COG6: variants seen among roughly 807,000 people sequenced by gnomAD.
COG6 encodes component of oligomeric golgi complex 6.
A neutral mutation model predicts 88.8 loss-of-function variants in COG6; 74 were observed. The observed-to-expected ratio is 0.83, with a 90% confidence interval of 0.69 to 1.01. The LOEUF is 1.01. Ranked by LOEUF, COG6 falls within the 50% of genes least tolerant of loss-of-function variation. The pLI, the probability that COG6 is intolerant of heterozygous loss-of-function variation, is 0.00. For missense variants in COG6, 800 were observed against 797.9 expected (o/e 1.00, Z -0.03); for synonymous variants, 286 against 278.7 (o/e 1.03, Z -0.26).
At chr13:39,710,520 A>T (rs1292283832) in intron 13 of COG6, among the ~76,000 whole-genome samples, 1 of 152,158 alleles carries the variant, frequency 6.6e-6, no homozygotes, top group Admixed American at 6.6e-5. Flanking sequence ...TAGAGTAAGT[A>T]AACCTGGCAA....
At chr13:39,710,950 A>G (rs1483644612) in intron 13 of COG6, among the ~76,000 whole-genome samples, 4 of 151,992 alleles carry the variant, frequency 2.6e-5, no homozygotes, top group Non-Finnish European at 4.4e-5. Context: ...ATAAAACAGC[A>G]TATCTAATTT....
chr13:39,658,319 T>C (rs1381554456), intron 1 of COG6, among the ~76,000 whole-genome samples: 1 of 134,546 alleles, frequency 7.4e-6, no homozygotes, highest in Non-Finnish European at 1.8e-5. Flanking sequence ...AATTTTTTGA[T>C]TTTTTTATAG....
chr13:39,694,652 A>G lies in COG6; in HGVS notation c.1093A>G (p.Ile365Val). The G allele has an allele frequency of 6.3e-7, 1 of 1,595,802 alleles. No homozygotes were observed. Among genetic ancestry groups the G allele is most frequent in the Non-Finnish European group, 8.6e-7 (1 of 1,165,144 alleles). The change falls in exon 12 of 19, where the codon ATA becomes GTA. Residue 365 changes from isoleucine to valine, a missense_variant. By Grantham distance (29) the Ile-to-Val change is conservative (BLOSUM62 3). Coordinates refer to ENST00000455146, the MANE Select transcript of COG6 (RefSeq NM_020751.3). The part of the protein sequence containing the change: ...RPLKVRIEQV[I>V]VAEPGAVLLY... ...TTAATAGGTTCGAATTGAGCAAGTA[A>G]TAGTTGCTGAACCTGGGGCAGTTTT...
intron 13 of COG6, among the ~76,000 whole-genome samples, chr13:39,707,472 A>G (rs1466062910): frequency 6.6e-6 from 1 of 152,186 alleles, no homozygotes; most frequent in Non-Finnish European, 1.5e-5. Flanking sequence ...TCTAAAGTAT[A>G]CAGTTAGTTG....
At chr13:39,754,456 A>G (rs1279856804), downstream of COG6, among the ~76,000 whole-genome samples, 4 of 152,214 alleles carry the variant, frequency 2.6e-5, no homozygotes, top group Non-Finnish European at 5.9e-5. Context: ...ATTTAAGATT[A>G]TGGAGAGGGA....
At chr13:39,712,641 G>A (rs1281460297) in intron 13 of COG6, among the ~76,000 whole-genome samples, 1 of 152,172 alleles carries the variant, frequency 6.6e-6, no homozygotes, top group Admixed American at 6.5e-5. Flanking sequence ...CATTTTAGTA[G>A]CCTTGTACTT....
Position 39,703,801 on chromosome 13 carries a change from G to A in COG6, c.1284+4183G>A, listed in dbSNP as rs115621448. Among the ~76,000 whole-genome samples, 709 of 151,946 alleles carry A rather than the reference G, an allele frequency of 4.7e-3. 6 individuals carry two copies. The highest frequency in any genetic ancestry group is 0.016 in the African/African-American group (652 of 41,462). Reference sequence around the variant, plus strand: ...GGTCTTACTGTTGTTGCCCAGGATCGTAGCTCACTGCAGCCTTGAAGCTCA... The same window carrying A: ...GGTCTTACTGTTGTTGCCCAGGATCATAGCTCACTGCAGCCTTGAAGCTCA... On this transcript the variant is annotated intron_variant, in intron 13 of 18. Coordinates refer to ENST00000455146, the MANE Select transcript of COG6 (RefSeq NM_020751.3).
intron 17 of COG6, among the ~76,000 whole-genome samples, chr13:39,727,062 TTAATATAG>T (rs1398616841): frequency 1.3e-5 from 2 of 152,064 alleles, no homozygotes; most frequent in Non-Finnish European, 2.9e-5. Flanking sequence ...CTTCCATTAC[TTAATATAG>T]TACCTTTTCA....
chr13:39,685,280 T>G (rs529563900), intron 8 of COG6, among the ~76,000 whole-genome samples: 23 of 152,328 alleles, frequency 1.5e-4, no homozygotes, highest in Non-Finnish European at 2.6e-4. Flanking sequence ...GTTGGAAGAA[T>G]GTCTGATTTT....
At chr13:39,728,150 C>T (rs1009769464) in intron 18 of COG6, among the ~76,000 whole-genome samples, 3 of 151,962 alleles carry the variant, frequency 2.0e-5, no homozygotes, top group Non-Finnish European at 4.4e-5. Context: ...TCTATTCAAA[C>T]AGCAGTGCAG....
chr13:39,741,674 C>G (rs1880049694), intron 18 of COG6, among the ~76,000 whole-genome samples: 1 of 152,090 alleles, frequency 6.6e-6, no homozygotes, highest in Non-Finnish European at 1.5e-5. Context: ...AGTTGGAAAA[C>G]ACTCTTCAGG....
At chr13:39,737,104 A>G (rs1238038415) in intron 18 of COG6, among the ~76,000 whole-genome samples, 3 of 152,144 alleles carry the variant, frequency 2.0e-5, no homozygotes, top group East Asian at 3.9e-4. Flanking sequence ...GGTGAGATCC[A>G]GGAGAACTTC....
At chr13:39,670,602 A>G (rs1170384458) in intron 4 of COG6, among the ~76,000 whole-genome samples, 1 of 152,070 alleles carries the variant, frequency 6.6e-6, no homozygotes, top group Non-Finnish European at 1.5e-5. Context: ...TAAATTATTT[A>G]CGTAAGTTGC....
intron 7 of COG6, among the ~76,000 whole-genome samples, chr13:39,681,168 T>C (rs994596171): frequency 6.6e-6 from 1 of 152,236 alleles, no homozygotes; most frequent in African/African-American, 2.4e-5. Context: ...ACCAACTGAC[T>C]GTTGGAAGGG....
At chr13:39,720,870 TC>T (rs982045143) in intron 15 of COG6, among the ~76,000 whole-genome samples, 2 of 151,934 alleles carry the variant, frequency 1.3e-5, no homozygotes, top group East Asian at 3.9e-4. Context: ...CTACTGCCAC[TC>T]CCCCAACCCC....
chr13:39,682,021 A>G (rs531007441), intron 7 of COG6, 150 bp from the exon 8 acceptor site: 14 of 631,988 alleles, frequency 2.2e-5, no homozygotes, highest in Non-Finnish European at 4.0e-5. Context: ...GACAGCATAA[A>G]TTCATTTTTG....
chr13:39,733,070 CAA>C (rs991124914), intron 18 of COG6, among the ~76,000 whole-genome samples: 1 of 134,506 alleles, frequency 7.4e-6, no homozygotes, highest in Non-Finnish European at 1.6e-5. Context: ...AATGATCGAT[CAA>C]AAAAAAAAGT....
downstream of COG6, among the ~76,000 whole-genome samples, chr13:39,753,489 G>A (rs757078961): frequency 1.8e-4 from 28 of 152,122 alleles, no homozygotes; most frequent in Non-Finnish European, 3.8e-4. Flanking sequence ...AACTTGCCAT[G>A]TTTCCAGAGG....
downstream of COG6, among the ~76,000 whole-genome samples, chr13:39,755,632 C>A (rs115323677): frequency 7.1e-3 from 1,079 of 152,246 alleles, 15 homozygotes; most frequent in African/African-American, 0.025. Flanking sequence ...GGACTGTGTG[C>A]ATGTTCATGA....
Sources: gnomAD v4.1 joint callset for allele counts (sites outside exome capture counted in the v4.1 genomes callset) on GRCh38, gnomAD v4.1.1 for gene constraint, MANE v1.5 for transcripts, NCBI Gene and HGNC (gene_info 2026-07-23, HGNC 2026-07-21) for gene names.